SLC26A7: variants seen among roughly 807,000 people sequenced by gnomAD.
SLC26A7 encodes the protein solute carrier family 26 member 7, also known as anion exchange transporter.
In SLC26A7, 59 loss-of-function variants were observed where a neutral mutation model predicts 82.5. The observed-to-expected ratio is 0.72, with a 90% confidence interval of 0.58 to 0.89. The LOEUF (loss-of-function observed/expected upper bound fraction) is 0.89, where lower values mean the gene tolerates loss of function less well. Among genes scored for constraint, SLC26A7 ranks in the 40% least tolerant of loss-of-function variants. The probability of loss-of-function intolerance (pLI) is 0.00; values close to 1 mark genes in which losing one functional copy is unlikely to be tolerated. For synonymous variants in SLC26A7, 271 were observed against 274.3 expected, an observed-to-expected ratio of 0.99 and a Z score of 0.12; for missense variants, 820 against 793.0, an observed-to-expected ratio of 1.03 and a Z score of -0.41.
chr8:91,232,086 G>C (rs758015515), intron 2 of SLC26A7, among the ~76,000 whole-genome samples: 124 of 152,002 alleles, frequency 8.2e-4, no homozygotes, highest in Non-Finnish European at 5.4e-4. Context: ...GACTAATTAA[G>C]AAAAACAAAA....
At chr8:91,232,109 TAA>T (rs780440817) in intron 2 of SLC26A7, among the ~76,000 whole-genome samples, 9 of 152,202 alleles carry the variant, frequency 5.9e-5, no homozygotes, top group Non-Finnish European at 1.2e-4. Context: ...AATCTGAAAT[TAA>T]GTTTTTCCTG....
intron 6 of SLC26A7, among the ~76,000 whole-genome samples, chr8:91,336,583 T>A (rs1035814143): frequency 2.0e-5 from 3 of 152,052 alleles, no homozygotes; most frequent in African/African-American, 7.2e-5. Flanking sequence ...CCAAAAAGGT[T>A]GGGGACTGCT....
chr8:91,344,841 T>C (rs1050577255), intron 9 of SLC26A7, among the ~76,000 whole-genome samples: 1 of 152,214 alleles, frequency 6.6e-6, no homozygotes, highest in Admixed American at 6.5e-5. Flanking sequence ...ATCTTTGTGA[T>C]CTAAATTTGA....
chr8:91,253,731 A>G (rs193249725), intron 2 of SLC26A7, among the ~76,000 whole-genome samples: 1 of 152,154 alleles, frequency 6.6e-6, no homozygotes, highest in East Asian at 1.9e-4. Flanking sequence ...TGTACTTTTT[A>G]CATATCTCTT....
chr8:91,222,740 T>C lies in SLC26A7; in HGVS notation c.-34+3735T>C, dbSNP rs930935513. 3.9e-5 allele frequency among the ~76,000 whole-genome samples: 6 copies of C among 152,220 alleles called. 1 individual carries two copies. Among genetic ancestry groups the C allele is most frequent in the Admixed American group, 2.6e-4 (4 of 15,290 alleles). On this transcript the variant is annotated intron_variant, in intron 2 of 5. Transcript: ENST00000522862. Reference sequence around the variant, plus strand: ...GTGGTGGATAAATTTTTTGATGTCCTATTGGATTCAGTTTGCCAGTGTTTT... The same window carrying C: ...GTGGTGGATAAATTTTTTGATGTCCCATTGGATTCAGTTTGCCAGTGTTTT...
At chr8:91,307,362 T>C (rs1367082944) in intron 4 of SLC26A7, among the ~76,000 whole-genome samples, 2 of 139,070 alleles carry the variant, frequency 1.4e-5, no homozygotes, top group East Asian at 2.1e-4. Flanking sequence ...ATGTTTATTG[T>C]GGCATTATTC....
chr8:91,275,290 G>A (rs1358554894), intron 2 of SLC26A7, among the ~76,000 whole-genome samples: 3 of 152,042 alleles, frequency 2.0e-5, no homozygotes, highest in Admixed American at 6.6e-5. Context: ...CAATAACTGG[G>A]TAAAAGATTA....
chr8:91,279,123 G>GTATATATATA (rs1223990677), intron 2 of SLC26A7, among the ~76,000 whole-genome samples: 2 of 78,766 alleles, frequency 2.5e-5, no homozygotes, highest in African/African-American at 1.1e-4. Flanking sequence ...GTGTGTGTGT[G>GTATATATATA]TGTATATATA....
chr8:91,312,528 A>C (rs1812516777), intron 4 of SLC26A7, among the ~76,000 whole-genome samples: 1 of 152,120 alleles, frequency 6.6e-6, no homozygotes, highest in Non-Finnish European at 1.5e-5. Context: ...GAAACATCAC[A>C]CTGCTTTTTG....
At chr8:91,358,791 T>G (rs1813958323) in intron 11 of SLC26A7, among the ~76,000 whole-genome samples, 2 of 152,148 alleles carry the variant, frequency 1.3e-5, no homozygotes, top group Non-Finnish European at 1.5e-5. Context: ...GGGACATGGA[T>G]GAAGCTGGAA....
intron 15 of SLC26A7, among the ~76,000 whole-genome samples, chr8:91,378,387 T>C: frequency 6.8e-6 from 1 of 146,602 alleles, no homozygotes; most frequent in East Asian, 1.9e-4. Flanking sequence ...ATAAATAATA[T>C]ATATTATATA....
rs1338645262 is a variant in SLC26A7, at chr8:91,234,546, T to G, written c.-33-15073T>G. 4.7e-4 allele frequency among the ~76,000 whole-genome samples: 72 copies of G among 152,138 alleles called. 1 individual carries two copies. The highest frequency in any genetic ancestry group is 4.7e-3 in the Admixed American group (72 of 15,282). ...GTGAAAGACACCTGTCTTTGCCTTC[T>G]TTTCAGCTTCATAAAATACTTGCTC... is the stretch of plus-strand genomic sequence containing the variant. On this transcript the variant is annotated intron_variant, in intron 2 of 5. Coordinates refer to the SLC26A7 transcript ENST00000522862.
intron 13 of SLC26A7, among the ~76,000 whole-genome samples, chr8:91,365,450 G>A (rs746520052): frequency 1.5e-4 from 23 of 152,198 alleles, no homozygotes; most frequent in Non-Finnish European, 3.1e-4. Context: ...GTGATTAGAG[G>A]GTCAGGCTAA....
At chr8:91,392,855 G>A (rs1808441418) in intron 16 of SLC26A7, among the ~76,000 whole-genome samples, 1 of 152,118 alleles carries the variant, frequency 6.6e-6, no homozygotes, top group Non-Finnish European at 1.5e-5. Flanking sequence ...AACACTGGGA[G>A]GTCACCTTGA....
chr8:91,355,622 G>A (rs140831260), intron 11 of SLC26A7, among the ~76,000 whole-genome samples: 1 of 150,680 alleles, frequency 6.6e-6, no homozygotes, highest in Non-Finnish European at 1.5e-5. Flanking sequence ...TGTTTTTCTG[G>A]TTTTTGTTGA....
intron 4 of SLC26A7, among the ~76,000 whole-genome samples, chr8:91,301,257 C>G (rs1812157453): frequency 6.6e-6 from 1 of 152,058 alleles, no homozygotes; most frequent in Non-Finnish European, 1.5e-5. Context: ...TCTTAACGTC[C>G]CTTCTCAATG....
At position 91,395,837 on chromosome 8, in the gene SLC26A7, A is replaced by G. The variant is rs988415319; in HGVS notation, c.*740A>G. The G allele has an allele frequency of 1.3e-5, 2 of 152,080 alleles. No individual in the cohort carries two copies. The highest frequency in any genetic ancestry group is 2.4e-5 in the African/African-American group (1 of 41,448). 9.4% of individuals were successfully genotyped at this position (152,080 alleles called of 1,614,324 possible). ...GCTCTAATTTTAACATTTCTACCCA[A>G]TAAGAGGCTCTGTTTTCCACTGAAG... On this transcript the variant is annotated 3_prime_UTR_variant, in exon 19 of 19. Transcript: ENST00000276609.
intron 4 of SLC26A7, among the ~76,000 whole-genome samples, chr8:91,297,589 C>T (rs1261183955): frequency 1.3e-5 from 2 of 152,014 alleles, no homozygotes; most frequent in African/African-American, 4.8e-5. Context: ...GCTTTTCTTC[C>T]TCTTTAGCTC....
intron 4 of SLC26A7, among the ~76,000 whole-genome samples, chr8:91,300,400 AT>A (rs35766764): frequency 0.081 from 11,568 of 143,350 alleles, 580 homozygotes; most frequent in East Asian, 0.11. Context: ...ATTTGCTAGA[AT>A]TTTTTTTTTT....
Sources: gnomAD v4.1 joint callset for allele counts (sites outside exome capture counted in the v4.1 genomes callset) on GRCh38, gnomAD v4.1.1 for gene constraint, MANE v1.5 for transcripts, NCBI Gene and HGNC (gene_info 2026-07-23, HGNC 2026-07-21) for gene names.